ZNF804B: variants seen among roughly 807,000 people sequenced by gnomAD.
ZNF804B encodes the protein zinc finger protein 804B.
ZNF804B carries 80 observed loss-of-function variants against 101.4 expected under a neutral mutation model. The observed-to-expected ratio is 0.79, with a 90% CI of 0.66 to 0.95. The LOEUF is 0.95. Among genes scored for constraint, ZNF804B ranks in the 40% least tolerant of loss-of-function variants. The probability of loss-of-function intolerance (pLI) is 0.00; values close to 1 mark genes in which losing one functional copy is unlikely to be tolerated. For synonymous variants in ZNF804B, 622 were observed against 558.8 expected (o/e 1.11, Z -1.59); for missense variants, 1,673 against 1,561.9 (o/e 1.07, Z -1.20).
chr7:88,801,299 AG>A lies in ZNF804B; in HGVS notation c.108+41219del, dbSNP rs200811708. Among the ~76,000 whole-genome samples, 383 of 150,562 alleles carry A rather than the reference AG, an allele frequency of 2.5e-3. 2 individuals carry two copies. Among genetic ancestry groups the A allele is most frequent in the African/African-American group, 8.1e-3 (330 of 40,926 alleles). ...GCTAGAAGGTGAGTGGTGGGAGGAG[AG>A]GGGAAAAAAAAAAAAAGTAACTTGG... On this transcript the variant is annotated intron_variant, in intron 1 of 3. Coordinates refer to ENST00000333190, the MANE Select transcript of ZNF804B (RefSeq NM_181646.5).
intron 1 of ZNF804B, among the ~76,000 whole-genome samples, chr7:88,790,172 A>G (rs1191292826): frequency 6.6e-6 from 1 of 152,112 alleles, no homozygotes; most frequent in Non-Finnish European, 1.5e-5. Flanking sequence ...ATTAAATATT[A>G]TATGTTCACA....
At chr7:88,850,871 A>G (rs1791442082) in intron 1 of ZNF804B, among the ~76,000 whole-genome samples, 1 of 152,122 alleles carries the variant, frequency 6.6e-6, no homozygotes, top group Admixed American at 6.6e-5. Context: ...ACTGTATTAA[A>G]ACATTTATTA....
chr7:88,831,149 T>C (rs192080362), intron 1 of ZNF804B, among the ~76,000 whole-genome samples: 213 of 152,058 alleles, frequency 1.4e-3, no homozygotes, highest in Non-Finnish European at 2.3e-3. Context: ...ATCACCACAA[T>C]TAGTTTTAGA....
intron 1 of ZNF804B, among the ~76,000 whole-genome samples, chr7:88,865,228 C>CA (rs10706264): frequency 0.26 from 29,969 of 115,600 alleles, 3,626 homozygotes; most frequent in East Asian, 0.36. Context: ...GACTTCGTAT[C>CA]AAAAAAAAAA....
chr7:89,149,737 C>T (rs2116403565), intron 1 of ZNF804B, among the ~76,000 whole-genome samples: 1 of 151,802 alleles, frequency 6.6e-6, no homozygotes, highest in Non-Finnish European at 1.5e-5. Flanking sequence ...ACATTCCTGA[C>T]CCAATGAAGC....
At position 89,336,806 on chromosome 7, in the gene ZNF804B, C is replaced by A. The variant is rs199881025; in HGVS notation, c.3824C>A (p.Pro1275His). ...CCCCTGCATTTAGTAGCTGCTACCC[C>A]CTTCCACCCATCTCACATAACACTT... ...GHPLHLVAAT[P>H]FHPSHITLQP... The change falls in exon 4 of 4, where the codon CCC (proline) becomes CAC (histidine). Residue 1275 changes from proline to histidine, a missense_variant. By Grantham distance (77) the Pro-to-His change is moderately conservative (BLOSUM62 -2). Transcript: ENST00000333190. The A allele has an allele frequency of 6.2e-7, 1 of 1,613,918 alleles. No homozygotes were observed. Among genetic ancestry groups the A allele is most frequent in the Admixed American group, 1.7e-5 (1 of 59,938 alleles).
chr7:88,772,292 A>G (rs1229380387), intron 1 of ZNF804B, among the ~76,000 whole-genome samples: 5 of 152,140 alleles, frequency 3.3e-5, no homozygotes, highest in Non-Finnish European at 7.4e-5. Context: ...AAAAAACCAT[A>G]AATCTTCTTT....
At chr7:89,200,216 C>G (rs567108575) in intron 1 of ZNF804B, among the ~76,000 whole-genome samples, 1 of 151,980 alleles carries the variant, frequency 6.6e-6, no homozygotes, top group South Asian at 2.1e-4. Flanking sequence ...ATGCTCTTTA[C>G]TCTTAATTAG....
intron 2 of ZNF804B, among the ~76,000 whole-genome samples, chr7:89,317,832 T>C (rs1366558419): frequency 1.3e-5 from 2 of 152,192 alleles, no homozygotes; most frequent in Admixed American, 1.3e-4. Context: ...CAGAGCATGC[T>C]TGTGAAGGGA....
At chr7:89,193,907 G>T (rs1157784731) in intron 1 of ZNF804B, among the ~76,000 whole-genome samples, 4 of 152,096 alleles carry the variant, frequency 2.6e-5, no homozygotes, top group African/African-American at 9.7e-5. Context: ...CACAATGGTT[G>T]AACTAGTTTA....
intron 1 of ZNF804B, among the ~76,000 whole-genome samples, chr7:89,171,401 T>C (rs937657614): frequency 4.5e-5 from 5 of 111,870 alleles, no homozygotes; most frequent in African/African-American, 1.0e-4. Flanking sequence ...CTTCCTCTTC[T>C]TCTTCTTCTT....
intron 1 of ZNF804B, among the ~76,000 whole-genome samples, chr7:88,851,521 C>T (rs888499859): frequency 6.6e-6 from 1 of 151,942 alleles, no homozygotes; most frequent in African/African-American, 2.4e-5. Flanking sequence ...GAATTCTTCA[C>T]CTACCAAAAA....
At chr7:88,839,318 C>T (rs937352017) in intron 1 of ZNF804B, among the ~76,000 whole-genome samples, 1 of 151,900 alleles carries the variant, frequency 6.6e-6, no homozygotes, top group African/African-American at 2.4e-5. Context: ...CTTTATATAC[C>T]TTTTTATATT....
intron 1 of ZNF804B, among the ~76,000 whole-genome samples, chr7:88,835,718 G>A (rs1173200003): frequency 4.0e-5 from 6 of 151,896 alleles, no homozygotes; most frequent in Non-Finnish European, 8.8e-5. Context: ...TGTAGAATGT[G>A]TGTGTACAGG....
chr7:88,884,580 T>A (rs1171470338), intron 1 of ZNF804B, among the ~76,000 whole-genome samples: 2 of 152,028 alleles, frequency 1.3e-5, no homozygotes, highest in African/African-American at 4.8e-5. Flanking sequence ...GGAGCTATTA[T>A]ATTTTAGACA....
chr7:89,261,811 A>G (rs1473728297), intron 2 of ZNF804B, among the ~76,000 whole-genome samples: 1 of 152,210 alleles, frequency 6.6e-6, no homozygotes, highest in Non-Finnish European at 1.5e-5. Context: ...AAAGTACAGT[A>G]TTATGGGACC....
chr7:88,867,867 G>A (rs1791755428), intron 1 of ZNF804B, among the ~76,000 whole-genome samples: 1 of 152,074 alleles, frequency 6.6e-6, no homozygotes, highest in African/African-American at 2.4e-5. Flanking sequence ...GAGAAATTGA[G>A]TAACTTGTAC....
At chr7:88,888,540 C>A (rs1300602190) in intron 1 of ZNF804B, among the ~76,000 whole-genome samples, 1 of 151,868 alleles carries the variant, frequency 6.6e-6, no homozygotes, top group African/African-American at 2.4e-5. Context: ...ATGATTAATG[C>A]CAGAAACTGT....
rs569673742 is a variant in ZNF804B, at chr7:89,247,603, A to C, written c.249+29308A>C. Among the ~76,000 whole-genome samples, 409 of 152,152 alleles carry C rather than the reference A, an allele frequency of 2.7e-3. 2 individuals carry two copies. The highest frequency in any genetic ancestry group is 4.1e-3 in the Non-Finnish European group (278 of 67,984). On this transcript the variant is annotated intron_variant, in intron 2 of 3. Transcript: ENST00000333190. ...ATATTACAGAGAAATAAAGAAAAAG[A>C]AAAAAAATCTACCCACAGGAATATA...
Sources: gnomAD v4.1 joint callset for allele counts (sites outside exome capture counted in the v4.1 genomes callset) on GRCh38, gnomAD v4.1.1 for gene constraint, MANE v1.5 for transcripts, NCBI Gene and HGNC (gene_info 2026-07-23, HGNC 2026-07-21) for gene names.